Variants in MAPK14 observed in about 807,000 individuals in gnomAD.
MAPK14 encodes CSAID-binding protein.
In MAPK14, 16 loss-of-function variants were observed where a neutral mutation model predicts 49.6. That is an observed-to-expected ratio of 0.32 (90% CI 0.22 to 0.49). The LOEUF is 0.49. Ranked by LOEUF, MAPK14 falls within the 20% of genes least tolerant of loss-of-function variation. The pLI, the probability that MAPK14 is intolerant of heterozygous loss-of-function variation, is 0.99. For missense variants in MAPK14, 200 were observed against 441.2 expected (o/e 0.45, Z 4.90); for synonymous variants, 142 against 158.0 (o/e 0.90, Z 0.76).
intron 1 of MAPK14, among the ~76,000 whole-genome samples, chr6:36,047,623 G>A (rs533028119): frequency 1.6e-4 from 24 of 152,274 alleles, no homozygotes; most frequent in Middle Eastern, 3.4e-3. Flanking sequence ...GAGTGCAGTG[G>A]TGCCATCATG....
chr6:36,108,678 G>A lies in MAPK14; in HGVS notation c.*231G>A. The A allele has an allele frequency of 1.8e-6, 1 of 541,286 alleles. No homozygotes were observed. The highest frequency in any genetic ancestry group is 2.1e-5 in the South Asian group (1 of 47,926). The allele number at this position is 541,286 out of a possible 1,614,324, so 33.5% of individuals were successfully genotyped here. A position where few individuals can be genotyped will look rare whatever the true frequency, so the allele number is the denominator to read the frequency against. ...GATCACAGTGACTTTACAGGAGGTTGTGGATGCTCCAGGGCAGCCTCCACC... is the reference window on the plus strand; with the variant it reads ...GATCACAGTGACTTTACAGGAGGTTATGGATGCTCCAGGGCAGCCTCCACC... On this transcript the variant is annotated 3_prime_UTR_variant, in exon 12 of 12. Coordinates refer to ENST00000229794, the MANE Select transcript of MAPK14 (RefSeq NM_139012.3).
chr6:36,120,713 A>G, the MAPK14 span, among the ~76,000 whole-genome samples: 5 of 152,196 alleles, frequency 3.3e-5, no homozygotes, highest in Non-Finnish European at 5.9e-5. Flanking sequence ...AGCTTGCCCC[A>G]GTTGACACTC....
At chr6:36,083,103 G>A (rs1562137204) in intron 8 of MAPK14, among the ~76,000 whole-genome samples, 2 of 152,194 alleles carry the variant, frequency 1.3e-5, no homozygotes, top group Non-Finnish European at 2.9e-5. Flanking sequence ...CCAACAAGAA[G>A]AACGAAAACG....
chr6:36,100,141 A>AT (rs771810886), intron 9 of MAPK14: 11 of 1,360,810 alleles, frequency 8.1e-6, no homozygotes, highest in Non-Finnish European at 1.2e-5. Flanking sequence ...GTTGAAAATT[A>AT]TTTTTTGCAC....
intron 9 of MAPK14, among the ~76,000 whole-genome samples, chr6:36,100,019 C>A (rs574091822): frequency 6.6e-6 from 1 of 152,298 alleles, no homozygotes; most frequent in African/African-American, 2.4e-5. Flanking sequence ...TTACTCATGT[C>A]ATTCACAGAA....
chr6:36,086,117 A>C (rs1280990670), intron 8 of MAPK14, among the ~76,000 whole-genome samples: 3 of 152,216 alleles, frequency 2.0e-5, no homozygotes, highest in Non-Finnish European at 2.9e-5. Context: ...ATGAGAACAA[A>C]GAGAACATAC....
intron 1 of MAPK14, among the ~76,000 whole-genome samples, chr6:36,046,393 T>C (rs1013091619): frequency 3.9e-5 from 6 of 152,322 alleles, no homozygotes; most frequent in African/African-American, 1.4e-4. Context: ...GAAAACAAGG[T>C]TTTACTTGTA....
chr6:36,106,593 A>C (rs1209525494), intron 10 of MAPK14, among the ~76,000 whole-genome samples: 1 of 152,218 alleles, frequency 6.6e-6, no homozygotes. Context: ...CTTCGTGTTG[A>C]AATATTTGGG....
At chr6:36,101,374 C>A (rs1765630339) in intron 9 of MAPK14, among the ~76,000 whole-genome samples, 13 of 152,054 alleles carry the variant, frequency 8.5e-5, no homozygotes, top group Admixed American at 8.5e-4. Context: ...GAGTTAGAGG[C>A]CATAGTGAGC....
intron 2 of MAPK14, among the ~76,000 whole-genome samples, chr6:36,053,964 T>C: frequency 7.5e-6 from 1 of 132,648 alleles, no homozygotes; most frequent in Non-Finnish European, 1.6e-5. Context: ...CTTCTATTCC[T>C]GAGTATAATT....
intron 8 of MAPK14, among the ~76,000 whole-genome samples, chr6:36,086,096 C>T (rs1473932707): frequency 6.6e-6 from 1 of 152,152 alleles, no homozygotes; most frequent in Admixed American, 6.5e-5. Context: ...ATCAGAAGTT[C>T]TTTGAAACCA....
At chr6:36,035,866 G>A (rs936611389) in intron 1 of MAPK14, among the ~76,000 whole-genome samples, 4 of 152,128 alleles carry the variant, frequency 2.6e-5, no homozygotes, top group Non-Finnish European at 4.4e-5. Context: ...CAAAAGATAA[G>A]TTTGAAGCTA....
intron 3 of MAPK14, 63 bp from the exon 4 acceptor site, chr6:36,072,810 T>G: frequency 1.1e-6 from 1 of 912,400 alleles, no homozygotes; most frequent in African/African-American, 1.7e-5. Context: ...TATAAAAGTC[T>G]TCTGAAGATA....
chr6:36,061,521 C>A (rs1763820805), intron 3 of MAPK14, among the ~76,000 whole-genome samples: 1 of 152,200 alleles, frequency 6.6e-6, no homozygotes, highest in African/African-American at 2.4e-5. Flanking sequence ...GAGCAGGAAT[C>A]CGTTCTTTCT....
At chr6:36,106,214 C>A (rs1245530701) in intron 10 of MAPK14, among the ~76,000 whole-genome samples, 1 of 152,084 alleles carries the variant, frequency 6.6e-6, no homozygotes, top group African/African-American at 2.4e-5. Flanking sequence ...AATTTTTGAC[C>A]TAACTTCCGG....
chr6:36,067,381 A>G (rs1435424675), intron 3 of MAPK14, among the ~76,000 whole-genome samples: 2 of 152,046 alleles, frequency 1.3e-5, no homozygotes, highest in Non-Finnish European at 2.9e-5. Flanking sequence ...CCTTCCTTTC[A>G]TCTAAAGGCT....
chr6:36,035,682 TA>T (rs1329354157), intron 1 of MAPK14, among the ~76,000 whole-genome samples: 1 of 152,184 alleles, frequency 6.6e-6, no homozygotes, highest in African/African-American at 2.4e-5. Context: ...TATATTCCAG[TA>T]AACAAATGAA....
the MAPK14 span, among the ~76,000 whole-genome samples, chr6:36,121,960 T>C: frequency 1.3e-5 from 2 of 152,242 alleles, no homozygotes; most frequent in Non-Finnish European, 2.9e-5. Flanking sequence ...AAAGCTCTTA[T>C]AACAACTTTT....
intron 3 of MAPK14, among the ~76,000 whole-genome samples, chr6:36,065,507 GGTGTGTGT>G (rs386358922): frequency 1.4e-4 from 17 of 122,454 alleles, no homozygotes; most frequent in African/African-American, 2.5e-4. Flanking sequence ...GGGCAGAAAA[GGTGTGTGT>G]GTGTGTGTGT....
Sources: allele counts gnomAD v4.1 joint callset (sites outside exome capture counted in the v4.1 genomes callset), GRCh38; gene constraint gnomAD v4.1.1; transcripts MANE v1.5; gene names NCBI Gene and HGNC (gene_info 2026-07-23, HGNC 2026-07-21).